The following ARHGEF12 variants were observed in gnomAD, a reference collection of about 807,000 sequenced individuals.
ARHGEF12 encodes Rho guanine nucleotide exchange factor 12.
Under a neutral mutation model 211.2 loss-of-function variants are expected in ARHGEF12, and 66 were observed. The observed-to-expected ratio is 0.31, with a 90% CI of 0.26 to 0.38. The LOEUF (loss-of-function observed/expected upper bound fraction) is 0.38, where lower values mean the gene tolerates loss of function less well. Among genes scored for constraint, ARHGEF12 ranks in the 10% least tolerant of loss-of-function variants. ARHGEF12 has a pLI of 1.00. For synonymous variants in ARHGEF12, 592 were observed against 638.4 expected (o/e 0.93, Z 1.09); for missense variants, 1,429 against 1,869.5 (o/e 0.76, Z 4.34).
intron 1 of ARHGEF12, among the ~76,000 whole-genome samples, chr11:120,396,824 A>G (rs2135525304): frequency 6.6e-6 from 1 of 152,338 alleles, no homozygotes. Context: ...AAAGTCCCAC[A>G]GGTATGGAAG....
intron 3 of ARHGEF12, 91 bp from the exon 4 acceptor site, chr11:120,409,303 C>A: frequency 7.7e-7 from 1 of 1,294,390 alleles, no homozygotes; most frequent in Non-Finnish European, 1.1e-6. Context: ...TTAACTTGAT[C>A]ATGATTCATT....
Position 120,480,034 on chromosome 11 carries a change from T to A in ARHGEF12, c.3841T>A (p.Phe1281Ile). Residue 1281 changes from phenylalanine (F) to isoleucine (I), a missense_variant, in exon 38 of 41, where the codon TTC becomes ATC. Transcript: ENST00000397843. ...EKSVQEDWQH[F>I]PRYRTASQGP... ...GAGCGTTCAGGAAGACTGGCAACATTTCCCAAGATACAGAACAGCCTCTCA... is the reference window on the plus strand; with the variant it reads ...GAGCGTTCAGGAAGACTGGCAACATATCCCAAGATACAGAACAGCCTCTCA... 1 of 1,614,160 alleles carries A rather than the reference T, an allele frequency of 6.2e-7. No individual in the cohort carries two copies. Among genetic ancestry groups the A allele is most frequent in the Non-Finnish European group, 8.5e-7 (1 of 1,180,034 alleles).
At chr11:120,394,928 G>A (rs145302043) in intron 1 of ARHGEF12, among the ~76,000 whole-genome samples, 10 of 151,356 alleles carry the variant, frequency 6.6e-5, no homozygotes, top group South Asian at 4.2e-4. Context: ...ATTGTGGCGC[G>A]AACCTGTAAT....
At chr11:120,339,029 G>T (rs1942449094) in intron 1 of ARHGEF12, among the ~76,000 whole-genome samples, 1 of 121,578 alleles carries the variant, frequency 8.2e-6, no homozygotes. Flanking sequence ...TTTTTGGCCA[G>T]GCACTGTGCA....
intron 22 of ARHGEF12, among the ~76,000 whole-genome samples, chr11:120,456,071 A>G (rs1946352874): frequency 6.6e-6 from 1 of 152,220 alleles, no homozygotes; most frequent in African/African-American, 2.4e-5. Context: ...GGAATGATGT[A>G]TATATGTATG....
Position 120,336,800 on chromosome 11 carries a change from AGCC to A in ARHGEF12, c.-442_-440del. ...GAGCAGCCGGCAGCCCCAGATAGAG[AGCC>A]GGGAGGGAGGGCCCCGGCCCTTGCC... On this transcript the variant is annotated 5_prime_UTR_variant, in exon 1 of 41. Transcript: ENST00000397843. 1 of 306,074 alleles carries A rather than the reference AGCC, an allele frequency of 3.3e-6. No individual in the cohort carries two copies. Among genetic ancestry groups the A allele is most frequent in the Non-Finnish European group, 6.0e-6 (1 of 167,102 alleles). The allele number at this position is 306,074 out of a possible 1,614,324, so 19.0% of individuals were successfully genotyped here.
chr11:120,478,182 T>C lies in ARHGEF12; in HGVS notation c.3559T>C (p.Leu1187=), dbSNP rs763969585. The change falls in exon 37 of 41, where the codon TTA becomes CTA. Residue 1187 remains leucine (L), a synonymous_variant. Transcript: ENST00000397843. ...PDRDLGLEST[L]ISSKPQSHSL... ...CAGAGATTTGGGATTAGAATCTACCTTAATATCGTCAAAACCTCAGTCTCA... is the reference window on the plus strand; with the variant it reads ...CAGAGATTTGGGATTAGAATCTACCCTAATATCGTCAAAACCTCAGTCTCA... 1.2e-6 allele frequency: 2 copies of C among 1,613,794 alleles called. No individual in the cohort carries two copies. The highest frequency in any genetic ancestry group is 3.3e-5 in the Admixed American group (2 of 60,030).
At chr11:120,443,537 C>G (rs1272218654) in intron 15 of ARHGEF12, among the ~76,000 whole-genome samples, 1 of 152,212 alleles carries the variant, frequency 6.6e-6, no homozygotes, top group Non-Finnish European at 1.5e-5. Flanking sequence ...CCCTCCAACT[C>G]CTGCCCCGTT....
chr11:120,377,805 T>G (rs1194625914), intron 1 of ARHGEF12, among the ~76,000 whole-genome samples: 3 of 152,240 alleles, frequency 2.0e-5, no homozygotes, highest in Non-Finnish European at 4.4e-5. Flanking sequence ...TTTTTGGCTA[T>G]TTTGAATAAA....
chr11:120,445,374 T>A, intron 15 of ARHGEF12, 48 bp from the exon 16 acceptor site: 2 of 1,600,068 alleles, frequency 1.2e-6, no homozygotes, highest in Non-Finnish European at 1.7e-6. Flanking sequence ...ATGTACATCT[T>A]CAAATATCTT....
chr11:120,464,059 T>C (rs150873063), intron 27 of ARHGEF12: 8 of 152,362 alleles, frequency 5.3e-5, no homozygotes, highest in African/African-American at 1.7e-4. Flanking sequence ...AGAAGTATAA[T>C]TTTTAGCAAA....
At chr11:120,397,314 T>A (rs1944421068) in intron 1 of ARHGEF12, among the ~76,000 whole-genome samples, 1 of 152,180 alleles carries the variant, frequency 6.6e-6, no homozygotes, top group Non-Finnish European at 1.5e-5. Context: ...AGATTTGACA[T>A]GAGTTCATGG....
At chr11:120,432,006 T>G in intron 11 of ARHGEF12, 95 bp downstream of exon 11, 1 of 1,213,364 alleles carries the variant, frequency 8.2e-7, no homozygotes, top group Non-Finnish European at 1.1e-6. Context: ...TAGAGGTGTC[T>G]TAGCACTTTT....
chr11:120,414,676 C>T (rs761184955), intron 4 of ARHGEF12, among the ~76,000 whole-genome samples: 6 of 152,126 alleles, frequency 3.9e-5, no homozygotes, highest in Non-Finnish European at 7.4e-5. Flanking sequence ...TGAAGAAATA[C>T]TCATATGGCA....
At chr11:120,401,454 A>G (rs1452493822) in intron 1 of ARHGEF12, among the ~76,000 whole-genome samples, 1 of 152,228 alleles carries the variant, frequency 6.6e-6, no homozygotes, top group Non-Finnish European at 1.5e-5. Flanking sequence ...TAATAATAAT[A>G]GAGCAAGGCA....
At chr11:120,465,446 C>A in intron 28 of ARHGEF12, 84 bp downstream of exon 28, 1 of 1,541,672 alleles carries the variant, frequency 6.5e-7, no homozygotes, top group Non-Finnish European at 8.9e-7. Context: ...CTGACTAAGA[C>A]TTTTACAAAG....
chr11:120,440,022 A>G, intron 12 of ARHGEF12, 107 bp from the exon 13 acceptor site: 1 of 795,016 alleles, frequency 1.3e-6, no homozygotes, highest in Non-Finnish European at 2.1e-6. Flanking sequence ...ACAAAAAGAA[A>G]TCTCACCATT....
At chr11:120,381,312 T>C (rs1468152316) in intron 1 of ARHGEF12, among the ~76,000 whole-genome samples, 3 of 152,152 alleles carry the variant, frequency 2.0e-5, no homozygotes, top group African/African-American at 7.2e-5. Context: ...AGGTTCACTC[T>C]AGTCCTCCTT....
At chr11:120,428,046 T>G (rs766439657) in intron 7 of ARHGEF12, 23 bp from the exon 8 acceptor site, 1 of 1,512,690 alleles carries the variant, frequency 6.6e-7, no homozygotes, top group East Asian at 2.4e-5. Context: ...TTCCCTTCCC[T>G]TTTTCCGTCT....
Sources: gnomAD v4.1 joint callset for allele counts (sites outside exome capture counted in the v4.1 genomes callset) on GRCh38, gnomAD v4.1.1 for gene constraint, MANE v1.5 for transcripts, NCBI Gene and HGNC (gene_info 2026-07-23, HGNC 2026-07-21) for gene names.